Variants in SPTBN1 observed in about 807,000 individuals in gnomAD.
The protein encoded by SPTBN1 is spectrin beta chain, non-erythrocytic 1.
In SPTBN1, 32 loss-of-function variants were observed where a neutral mutation model predicts 266.4. The ratio of observed to expected loss-of-function variants is 0.12; its 90% CI spans 0.09 to 0.16. The LOEUF (loss-of-function observed/expected upper bound fraction) is 0.16. Among genes scored for constraint, SPTBN1 ranks in the 10% least tolerant of loss-of-function variants. The pLI is 1.00. For missense variants in SPTBN1, 2,296 were observed against 3,067.1 expected (o/e 0.75, Z 5.94); for synonymous variants, 1,336 against 1,162.2 (o/e 1.15, Z -3.04).
chr2:54,544,214 G>A (rs997772147), intron 2 of SPTBN1, among the ~76,000 whole-genome samples: 12 of 152,138 alleles, frequency 7.9e-5, no homozygotes, highest in African/African-American at 2.9e-4. Context: ...ATAAATCAGA[G>A]GCTTCTGGGT....
intron 11 of SPTBN1, 100 bp from the exon 12 acceptor site, chr2:54,625,832 C>G: frequency 2.3e-6 from 3 of 1,319,732 alleles, no homozygotes; most frequent in Non-Finnish European, 3.1e-6. Flanking sequence ...CTCAAGTGAT[C>G]TGCCCGCCTC....
chr2:54,470,156 A>G (rs1222733153), intron 1 of SPTBN1, among the ~76,000 whole-genome samples: 3 of 152,208 alleles, frequency 2.0e-5, no homozygotes, highest in Non-Finnish European at 2.9e-5. Context: ...TGCTTAATTC[A>G]TAAAAGGTAA....
rs867826207 is a variant in SPTBN1 at position 54,563,618 on chromosome 2, T to C, written c.149-35474T>C. 2.0e-4 allele frequency among the ~76,000 whole-genome samples: 28 copies of C among 142,142 alleles called. No individual in the cohort carries two copies. In the South Asian group the frequency reaches 5.6e-3, roughly 28 times the overall value. The allele number at this position is 142,142 out of a possible 152,430, so 93.3% of individuals were successfully genotyped here. A position where few individuals can be genotyped will look rare whatever the true frequency, so the allele number is the denominator to read the frequency against. ...CTTTTTTTTTTTTTTTTTTTTTTTT[T>C]TTTGAGACGGGGTCTCACCCTGTCG... On this transcript the variant is annotated intron_variant, in intron 2 of 35. Coordinates refer to ENST00000356805, the MANE Select transcript of SPTBN1 (RefSeq NM_003128.3).
chr2:54,573,890 G>GT (rs1218208886), intron 2 of SPTBN1, among the ~76,000 whole-genome samples: 1 of 150,624 alleles, frequency 6.6e-6, no homozygotes, highest in African/African-American at 2.5e-5. Context: ...TTGAATGGAT[G>GT]TATTTATGGG....
rs1670817669 is a variant in SPTBN1, at chr2:54,526,412, G to A, written c.-7G>A. ...CTGATGTGGAGGAGCAGCTGAGACA[G>A]TTCAAGATGACGACCACAGTAGCCA... On this transcript the variant is annotated 5_prime_UTR_variant, in exon 2 of 36. Transcript: ENST00000356805. The A allele has an allele frequency of 1.9e-6, 3 of 1,613,908 alleles. No individual in the cohort carries two copies. The highest frequency in any genetic ancestry group is 2.5e-6 in the Non-Finnish European group (3 of 1,179,926).
At chr2:54,638,474 G>A (rs1013617586) in intron 18 of SPTBN1, among the ~76,000 whole-genome samples, 4 of 152,262 alleles carry the variant, frequency 2.6e-5, no homozygotes, top group African/African-American at 9.6e-5. Context: ...GCAAAGAGCA[G>A]TAATGCTGAT....
intron 4 of SPTBN1, among the ~76,000 whole-genome samples, chr2:54,614,999 G>A (rs1414990544): frequency 6.6e-6 from 1 of 152,114 alleles, no homozygotes; most frequent in Non-Finnish European, 1.5e-5. Context: ...CTTTCCTGGT[G>A]AGCCTGTCTC....
chr2:54,621,345 T>C lies in SPTBN1; in HGVS notation c.764-55T>C, dbSNP rs544337070. ...AGTCGTTGCATTTGTTCCTGCTACC[T>C]GGGTGGGGCACAGTAGCATGCAACA... On this transcript the variant is annotated intron_variant, in intron 7 of 35. Transcript: ENST00000356805. The C allele has an allele frequency of 5.3e-5, 72 of 1,354,894 alleles. No individual in the cohort carries two copies. In the South Asian group the frequency reaches 7.6e-4, roughly 14 times the overall value. 83.9% of individuals were successfully genotyped at this position (1,354,894 alleles called of 1,614,324 possible).
At chr2:54,603,528 C>T (rs1676634627) in intron 3 of SPTBN1, among the ~76,000 whole-genome samples, 1 of 152,198 alleles carries the variant, frequency 6.6e-6, no homozygotes, top group Non-Finnish European at 1.5e-5. Flanking sequence ...CCTGCTGACT[C>T]TTCAGCGCCT....
At position 54,664,214 on chromosome 2, in the gene SPTBN1, A is replaced by G. The variant is rs763436414; in HGVS notation, c.6421-239A>G. ...ATTGATCAGAGGAATAGAGTGCAGT[A>G]AAACTCATACTGGCATTTCGCTTTT... On this transcript the variant is annotated intron_variant, in intron 32 of 35. Coordinates refer to ENST00000356805, the MANE Select transcript of SPTBN1 (RefSeq NM_003128.3). This position sits in a 1 kb window ranked among gnomAD's most constrained non-coding sequence, Gnocchi z 5.6. 1 of 496,122 alleles carries G rather than the reference A, an allele frequency of 2.0e-6. No individual in the cohort carries two copies. The highest frequency in any genetic ancestry group is 3.6e-6 in the Non-Finnish European group (1 of 278,200). 30.7% of individuals were successfully genotyped at this position (496,122 alleles called of 1,614,324 possible). A position where few individuals can be genotyped will look rare whatever the true frequency, so the allele number is the denominator to read the frequency against.
chr2:54,648,037 A>G (rs773865078), intron 24 of SPTBN1, among the ~76,000 whole-genome samples: 5 of 152,324 alleles, frequency 3.3e-5, no homozygotes, highest in Middle Eastern at 3.4e-3. Flanking sequence ...AACACCTCCT[A>G]ACTCTTCGAT....
Position 54,667,574 on chromosome 2 carries a change from G to A in SPTBN1, c.6834-30G>A, listed in dbSNP as rs1253263330. The A allele has an allele frequency of 1.9e-6, 3 of 1,608,968 alleles. No homozygotes were observed. The East Asian group carries it at 6.7e-5, about 36-fold the overall frequency. On this transcript the variant is annotated intron_variant, in intron 34 of 35. Transcript: ENST00000356805. Reference sequence around the variant, plus strand: ...GATTTTTATTTCTCTGTAATTAAGTGGTGACTAACTTTCTTCCTTGAAATT... The same window carrying A: ...GATTTTTATTTCTCTGTAATTAAGTAGTGACTAACTTTCTTCCTTGAAATT...
chr2:54,565,132 T>C (rs1673580529), intron 2 of SPTBN1, among the ~76,000 whole-genome samples: 1 of 152,166 alleles, frequency 6.6e-6, no homozygotes, highest in South Asian at 2.1e-4. Context: ...TACCAATAAG[T>C]GTTTCCAGCT....
At chr2:54,619,099 C>G (rs903410411) in intron 7 of SPTBN1, among the ~76,000 whole-genome samples, 5 of 152,170 alleles carry the variant, frequency 3.3e-5, no homozygotes, top group Admixed American at 3.3e-4. Flanking sequence ...AGGAAAAAAA[C>G]TGTGTGTATG....
At chr2:54,517,476 C>G (rs1670173809) in intron 1 of SPTBN1, among the ~76,000 whole-genome samples, 1 of 151,996 alleles carries the variant, frequency 6.6e-6, no homozygotes, top group African/African-American at 2.4e-5. Flanking sequence ...TATACTCTGT[C>G]ATTGATAAAT....
rs778581377 is a variant in SPTBN1 at position 54,632,620 on chromosome 2, G to A, written c.3619G>A (p.Ala1207Thr). 4 of 1,614,220 alleles carry A rather than the reference G, an allele frequency of 2.5e-6. No homozygotes were observed. In the South Asian group the frequency reaches 4.4e-5, roughly 18 times the overall value. Residue 1207 changes from alanine (A) to threonine (T), a missense_variant, in exon 17 of 36, where the codon GCA becomes ACA. By Grantham distance (58) the Ala-to-Thr change is moderately conservative. Coordinates refer to ENST00000356805, the MANE Select transcript of SPTBN1 (RefSeq NM_003128.3). ...MPTTLEGAEA[A>T]IKKQEDFMTT... is the part of the protein sequence containing the mutation. ...TACCACCTTGGAAGGAGCTGAAGCA[G>A]CAATTAAAAAGCAAGAGGACTTCAT...
At chr2:54,638,936 C>T (rs1293303680) in intron 18 of SPTBN1, among the ~76,000 whole-genome samples, 1 of 152,178 alleles carries the variant, frequency 6.6e-6, no homozygotes, top group Non-Finnish European at 1.5e-5. Flanking sequence ...CCTTTGCATC[C>T]GTTAAACTGC....
At chr2:54,660,417 T>A in intron 32 of SPTBN1, 1 of 1,088,778 alleles carries the variant, frequency 9.2e-7, no homozygotes, top group Non-Finnish European at 1.1e-6. Context: ...TATGACACAT[T>A]CAGTTATTCT....
At chr2:54,581,203 A>T (rs10193692) in intron 2 of SPTBN1, among the ~76,000 whole-genome samples, 51,511 of 152,076 alleles carry the variant, frequency 0.34, 11,198 homozygotes, top group African/African-American at 0.63. Flanking sequence ...TGGAATGGCT[A>T]TATTGAAAGC....
Sources: gnomAD v4.1 joint callset for allele counts (sites outside exome capture counted in the v4.1 genomes callset) on GRCh38, gnomAD v4.1.1 for gene constraint, Gnocchi (gnomAD v3.1) non-coding constraint, MANE v1.5 for transcripts, NCBI Gene and HGNC (gene_info 2026-07-23, HGNC 2026-07-21) for gene names.